The following MAFF variants were observed in gnomAD, a reference collection of about 807,000 sequenced individuals.
The protein encoded by MAFF is MAF bZIP transcription factor F, also known as transcription factor MafF.
MAFF carries 4 observed loss-of-function variants against 2.7 expected under a neutral mutation model. The observed-to-expected ratio is 1.48, with a 90% confidence interval of 0.73 to 3.39. MAFF has a LOEUF of 3.39. MAFF is among the 30% of genes most tolerant of loss of function. The pLI, the probability that MAFF is intolerant of heterozygous loss-of-function variation, is 0.01. For missense variants in MAFF, 190 were observed against 246.6 expected (o/e 0.77, Z 1.54); for synonymous variants, 113 against 119.4 (o/e 0.95, Z 0.35).
intron 1 of MAFF, among the ~76,000 whole-genome samples, chr22:38,205,842 G>T (rs997681780): frequency 6.6e-6 from 1 of 152,236 alleles, no homozygotes; most frequent in Non-Finnish European, 1.5e-5. Context: ...GAGGACCCAG[G>T]CCCCTTGGCA....
At chr22:38,213,649 G>A (rs1232172892) in intron 1 of MAFF, 174 bp from the exon 2 acceptor site, 4 of 686,054 alleles carry the variant, frequency 5.8e-6, no homozygotes, top group Admixed American at 2.0e-5. Flanking sequence ...AGCTCCCGCG[G>A]CTGGAAGGAG....
chr22:38,210,785 C>G (rs576956816), intron 1 of MAFF, among the ~76,000 whole-genome samples: 1 of 151,932 alleles, frequency 6.6e-6, no homozygotes, highest in East Asian at 1.9e-4. Context: ...AGAGGCCATG[C>G]GTCGTGGCTC....
At chr22:38,206,879 G>A (rs1023587394) in intron 1 of MAFF, among the ~76,000 whole-genome samples, 9 of 151,988 alleles carry the variant, frequency 5.9e-5, no homozygotes, top group Non-Finnish European at 1.0e-4. Flanking sequence ...ATCACTGCAC[G>A]TGCCAGCTCC....
Position 38,214,812 on chromosome 22 carries a change from C to G in MAFF, c.429C>G (p.Thr143=). 1 of 1,489,828 alleles carries G rather than the reference C, an allele frequency of 6.7e-7. No individual in the cohort carries two copies. The highest frequency in any genetic ancestry group is 8.9e-7 in the Non-Finnish European group (1 of 1,125,482). The allele number at this position is 1,489,828 out of a possible 1,614,324, so 92.3% of individuals were successfully genotyped here. A position where few individuals can be genotyped will look rare whatever the true frequency, so the allele number is the denominator to read the frequency against. The change falls in exon 3 of 3, where the codon ACC becomes ACG. Residue 143 remains threonine, a synonymous_variant. Transcript: ENST00000338483. The surrounding 1 kb of genome is among the most constrained non-coding windows in gnomAD (Gnocchi z 6.3). Reference sequence around the variant, plus strand: ...GCGTCATCACCATCGTCAAGTCCACCCCGGGCTCGGGGTCTGGCCCCGCCC... The same window carrying G: ...GCGTCATCACCATCGTCAAGTCCACGCCGGGCTCGGGGTCTGGCCCCGCCC... ...PASVITIVKS[T]PGSGSGPAHG...
chr22:38,213,198 A>G (rs4820326), intron 1 of MAFF, among the ~76,000 whole-genome samples: 5,876 of 115,452 alleles, frequency 0.051, 94 homozygotes, highest in Admixed American at 0.11. Flanking sequence ...AAAAAAAAAA[A>G]AAAGAAAGAA....
At chr22:38,204,505 C>T (rs77243044) in intron 1 of MAFF, among the ~76,000 whole-genome samples, 2,565 of 152,218 alleles carry the variant, frequency 0.017, 76 homozygotes, top group African/African-American at 0.059. Flanking sequence ...TGGATGTTTG[C>T]TGATTGAATG....
rs543497413 is a variant in MAFF, at chr22:38,211,517, G to A, written c.-31-2306G>A. Among the ~76,000 whole-genome samples, 61 of 104,456 alleles carry A rather than the reference G, an allele frequency of 5.8e-4. 1 individual carries two copies. The highest frequency in any genetic ancestry group is 1.8e-3 in the African/African-American group (43 of 24,252). 68.5% of individuals were successfully genotyped at this position (104,456 alleles called of 152,430 possible). A position where few individuals can be genotyped will look rare whatever the true frequency, so the allele number is the denominator to read the frequency against. On this transcript the variant is annotated intron_variant, in intron 1 of 2. Coordinates refer to ENST00000338483, the MANE Select transcript of MAFF (RefSeq NM_012323.4). Reference sequence around the variant, plus strand: ...TGGGATTACAGGCGTGAGCCACCGCGCCCGGCCACTGGGGATCACTTTCTG... The same window carrying A: ...TGGGATTACAGGCGTGAGCCACCGCACCCGGCCACTGGGGATCACTTTCTG...
chr22:38,204,830 C>T (rs956769707), intron 1 of MAFF, among the ~76,000 whole-genome samples: 5 of 152,038 alleles, frequency 3.3e-5, no homozygotes, highest in Admixed American at 2.6e-4. Flanking sequence ...TGTTGGCTTG[C>T]GGGGAGGCTG....
chr22:38,213,167 ACT>A (rs1365309567), intron 1 of MAFF, among the ~76,000 whole-genome samples: 1 of 137,464 alleles, frequency 7.3e-6, no homozygotes, highest in African/African-American at 2.8e-5. Context: ...ACAGAGTGAG[ACT>A]CTGTCTCAAA....
chr22:38,214,679 C>T lies in MAFF; in HGVS notation c.296C>T (p.Ala99Val). The change falls in exon 3 of 3, where the codon GCC (alanine) becomes GTC (valine). Residue 99 changes from alanine (A) to valine (V), a missense_variant. Around this residue, in one of 2 missense-constraint regions of MAFF, gnomAD observed 87 missense variants for 143.6 expected, o/e 0.61. Transcript: ENST00000338483. This position sits in a 1 kb window ranked among gnomAD's most constrained non-coding sequence, Gnocchi z 6.3. ...GACAAGCTGGCGCGCGAGAACGCCG[C>T]CATGCGCCTGGAGCTCGACGCGCTG... ...EVDKLARENA[A>V]MRLELDALRG... The T allele has an allele frequency of 1.3e-6, 2 of 1,548,876 alleles. No individual in the cohort carries two copies. Among genetic ancestry groups the T allele is most frequent in the Non-Finnish European group, 8.7e-7 (1 of 1,147,924 alleles).
Position 38,214,671 on chromosome 22 carries a change from G to A in MAFF, c.288G>A (p.Glu96=), listed in dbSNP as rs963019878. ...GCGAGGTGGACAAGCTGGCGCGCGA[G>A]AACGCCGCCATGCGCCTGGAGCTCG... is the stretch of plus-strand genomic sequence containing the variant. ...LEREVDKLAR[E]NAAMRLELDA... Residue 96 remains glutamate, a synonymous_variant, in exon 3 of 3, where the codon GAG becomes GAA. Transcript: ENST00000338483. The surrounding 1 kb of genome is among the most constrained non-coding windows in gnomAD (Gnocchi z 6.3). 7 of 1,550,982 alleles carry A rather than the reference G, an allele frequency of 4.5e-6. No homozygotes were observed. Among genetic ancestry groups the A allele is most frequent in the Non-Finnish European group, 6.1e-6 (7 of 1,148,782 alleles).
intron 1 of MAFF, among the ~76,000 whole-genome samples, chr22:38,208,626 C>G (rs1381585537): frequency 6.6e-6 from 1 of 152,190 alleles, no homozygotes; most frequent in Non-Finnish European, 1.5e-5. Flanking sequence ...CTGCTCCCTG[C>G]CAGGTCTTGA....
Position 38,202,869 on chromosome 22 carries a change from G to A in MAFF, c.-32+657G>A, listed in dbSNP as rs1462859700. ...GCACGGGGTCTGGGAATTCTGGCCC[G>A]GGCCGCCCCAGTCCTACTACCCGGG... On this transcript the variant is annotated intron_variant, in intron 1 of 2. Transcript: ENST00000338483. This position sits in a 1 kb window ranked among gnomAD's most constrained non-coding sequence, Gnocchi z 7.4. The A allele has an allele frequency of 1.3e-5, 2 of 152,154 alleles. No individual in the cohort carries two copies. The highest frequency in any genetic ancestry group is 1.5e-5 in the Non-Finnish European group (1 of 68,032). 9.4% of individuals were successfully genotyped at this position (152,154 alleles called of 1,614,324 possible). A position where few individuals can be genotyped will look rare whatever the true frequency, so the allele number is the denominator to read the frequency against.
At chr22:38,205,824 C>G (rs1351864206) in intron 1 of MAFF, 1 of 152,276 alleles carries the variant, frequency 6.6e-6, no homozygotes, top group Non-Finnish European at 1.5e-5. Flanking sequence ...GCCAGCCTGG[C>G]AAAGGCAGAG....
chr22:38,205,207 G>A (rs921898932), intron 1 of MAFF: 5 of 152,250 alleles, frequency 3.3e-5, no homozygotes, highest in African/African-American at 9.7e-5. Context: ...CCTTAGGCTC[G>A]GAGGACGTTT....
In MAFF at chr22:38,214,605, C is replaced by T. The variant is rs1170963471; in HGVS notation, c.222C>T (p.Cys74=). ...YAASCRVKRV[C]QKEELQKQKS... ...CCAGCTGCCGCGTGAAGCGCGTGTG[C>T]CAGAAGGAGGAGCTGCAGAAGCAGA... Residue 74 remains cysteine (C), a synonymous_variant, in exon 3 of 3, where the codon TGC becomes TGT. Coordinates refer to ENST00000338483, the MANE Select transcript of MAFF (RefSeq NM_012323.4). The surrounding 1 kb of genome is among the most constrained non-coding windows in gnomAD (Gnocchi z 6.3). 9 of 1,581,868 alleles carry T rather than the reference C, an allele frequency of 5.7e-6. No individual in the cohort carries two copies. Among genetic ancestry groups the T allele is most frequent in the South Asian group, 1.1e-5 (1 of 87,688 alleles).
At position 38,202,670 on chromosome 22, in the gene MAFF, T is replaced by G. The variant is rs2146007124; in HGVS notation, c.-32+458T>G. 1 of 153,268 alleles carries G rather than the reference T, an allele frequency of 6.5e-6. No homozygotes were observed. Among genetic ancestry groups the G allele is most frequent in the Middle Eastern group, 3.3e-3 (1 of 300 alleles). 9.5% of individuals were successfully genotyped at this position (153,268 alleles called of 1,614,324 possible). A position where few individuals can be genotyped will look rare whatever the true frequency, so the allele number is the denominator to read the frequency against. On this transcript the variant is annotated intron_variant, in intron 1 of 2. Transcript: ENST00000338483. This position sits in a 1 kb window ranked among gnomAD's most constrained non-coding sequence, Gnocchi z 7.4. The stretch of plus-strand genomic sequence containing the variant: ...TCCTGCCCGGTGCGTGCGTGCGCTG[T>G]GTACCTCGGGGGCGTGTGTGCGTGT...
chr22:38,211,009 G>A (rs944557019), intron 1 of MAFF, among the ~76,000 whole-genome samples: 4 of 152,094 alleles, frequency 2.6e-5, no homozygotes, highest in African/African-American at 9.6e-5. Flanking sequence ...GCAATGAGCT[G>A]TGATCGTGTC....
Position 38,213,881 on chromosome 22 carries a change from G to T in MAFF, c.28G>T (p.Ala10Ser). The change falls in exon 2 of 3, where the codon GCT (alanine) becomes TCT (serine). Residue 10 changes from alanine to serine, a missense_variant. Physicochemically the swap from Ala to Ser is moderately conservative, Grantham distance 99 (BLOSUM62 1). Around this residue, in one of 2 missense-constraint regions of MAFF, gnomAD observed 87 missense variants for 143.6 expected, o/e 0.61. Coordinates refer to ENST00000338483, the MANE Select transcript of MAFF (RefSeq NM_012323.4). ...GTCTGTGGATCCCCTATCCAGCAAA[G>T]CTCTAAAGGTGAGGAGGCAGCCTCT... MSVDPLSSKALKIKRELSEN... is the reference protein window; with the variant it reads MSVDPLSSKSLKIKRELSEN... The T allele has an allele frequency of 6.2e-7, 1 of 1,614,204 alleles. No individual in the cohort carries two copies. The highest frequency in any genetic ancestry group is 1.1e-5 in the South Asian group (1 of 91,092).
Sources: allele counts gnomAD v4.1 joint callset (sites outside exome capture counted in the v4.1 genomes callset), GRCh38; gene constraint gnomAD v4.1.1; regional missense constraint gnomAD v4.1.1; non-coding constraint Gnocchi (gnomAD v3.1); transcripts MANE v1.5; gene names NCBI Gene and HGNC (gene_info 2026-07-23, HGNC 2026-07-21).